The following CREB5 variants were observed in gnomAD, a reference collection of about 807,000 sequenced individuals.
The protein encoded by CREB5 is cAMP responsive element binding protein 5, also known as cyclic AMP-responsive element-binding protein 5.
CREB5 carries 19 observed loss-of-function variants against 57.1 expected under a neutral mutation model. The ratio of observed to expected loss-of-function variants is 0.33; its 90% CI spans 0.23 to 0.49. The LOEUF is 0.49. Ranked by LOEUF, CREB5 falls within the 20% of genes least tolerant of loss-of-function variation. CREB5 has a pLI of 0.99. For synonymous variants in CREB5, 238 were observed against 238.3 expected, an observed-to-expected ratio of 1.00 and a Z score of 0.01; for missense variants, 579 against 671.6, an observed-to-expected ratio of 0.86 and a Z score of 1.52.
chr7:28,410,257 C>A (rs1275748885), upstream of CREB5: 9 of 455,460 alleles, frequency 2.0e-5, no homozygotes, highest in East Asian at 6.3e-4. Flanking sequence ...CCAGTCCACT[C>A]CTCCGGCCGC....
chr7:28,361,116 T>TA (rs200762601), intron 1 of CREB5, among the ~76,000 whole-genome samples: 180 of 151,438 alleles, frequency 1.2e-3, no homozygotes, highest in African/African-American at 4.0e-3. Context: ...AAACCTCAGC[T>TA]AAAAAAAAAC....
intron 4 of CREB5, among the ~76,000 whole-genome samples, chr7:28,567,596 C>A (rs1795532265): frequency 6.6e-6 from 1 of 152,180 alleles, no homozygotes; most frequent in African/African-American, 2.4e-5. Flanking sequence ...TTGTAAACCA[C>A]TGTACTGTAA....
intron 1 of CREB5, among the ~76,000 whole-genome samples, chr7:28,321,627 CAG>C (rs1175047563): frequency 3.3e-5 from 5 of 152,232 alleles, no homozygotes; most frequent in African/African-American, 1.2e-4. Flanking sequence ...GGTGAGGTGA[CAG>C]AGATCACTGG....
At chr7:28,349,644 T>A (rs1554305272) in intron 1 of CREB5, among the ~76,000 whole-genome samples, 2 of 152,146 alleles carry the variant, frequency 1.3e-5, no homozygotes, top group Non-Finnish European at 2.9e-5. Context: ...ATATATAGAC[T>A]TTTAACCTAT....
chr7:28,734,206 CAAAAA>C (rs61403862), intron 7 of CREB5, among the ~76,000 whole-genome samples: 91 of 96,438 alleles, frequency 9.4e-4, no homozygotes, highest in African/African-American at 3.0e-3. Context: ...TTCAGTAGTT[CAAAAA>C]AAAAAAAAAA....
intron 7 of CREB5, chr7:28,779,068 T>A (rs1021612962): frequency 6.6e-6 from 1 of 152,238 alleles, no homozygotes; most frequent in Non-Finnish European, 1.5e-5. Flanking sequence ...GGATGTTATG[T>A]GATTAAAAAT....
chr7:28,770,577 TAACTA>T (rs1230767917), intron 7 of CREB5, among the ~76,000 whole-genome samples: 1 of 152,126 alleles, frequency 6.6e-6, no homozygotes, highest in African/African-American at 2.4e-5. Context: ...ACCAGAAAAA[TAACTA>T]AAGAAAAGGG....
intron 7 of CREB5, among the ~76,000 whole-genome samples, chr7:28,748,601 C>CTTGTG (rs1270701571): frequency 3.3e-5 from 5 of 152,216 alleles, no homozygotes; most frequent in Non-Finnish European, 7.3e-5. Flanking sequence ...GAGGTACCTT[C>CTTGTG]ATCCTTGAGA....
At chr7:28,695,169 G>A (rs1009288371) in intron 5 of CREB5, among the ~76,000 whole-genome samples, 3 of 152,224 alleles carry the variant, frequency 2.0e-5, no homozygotes, top group Non-Finnish European at 4.4e-5. Flanking sequence ...CCAGGCTGCA[G>A]TGAGTCATGA....
At chr7:28,552,569 A>T (rs1036713913) in intron 4 of CREB5, among the ~76,000 whole-genome samples, 2 of 152,082 alleles carry the variant, frequency 1.3e-5, no homozygotes, top group East Asian at 3.9e-4. Context: ...ATAGCAACTC[A>T]TCTGTCTCCT....
intron 4 of CREB5, among the ~76,000 whole-genome samples, chr7:28,561,134 G>C (rs115829854): frequency 1.3e-5 from 2 of 152,244 alleles, no homozygotes; most frequent in African/African-American, 4.8e-5. Context: ...GTAGTAAGGA[G>C]AGTGCTGACT....
chr7:28,486,293 A>G (rs1399688163), intron 1 of CREB5, among the ~76,000 whole-genome samples: 1 of 152,146 alleles, frequency 6.6e-6, no homozygotes, highest in Non-Finnish European at 1.5e-5. Flanking sequence ...ATATTGTCAA[A>G]AACATTAGTG....
At chr7:28,807,953 G>A (rs1808845125) in intron 8 of CREB5, among the ~76,000 whole-genome samples, 1 of 152,132 alleles carries the variant, frequency 6.6e-6, no homozygotes, top group South Asian at 2.1e-4. Context: ...CTATGTGTGG[G>A]GGTCTCCAAG....
intron 1 of CREB5, among the ~76,000 whole-genome samples, chr7:28,366,426 A>G (rs1300822811): frequency 1.3e-5 from 2 of 152,304 alleles, no homozygotes; most frequent in Admixed American, 6.5e-5. Context: ...TAACTTGTGT[A>G]TGTGAGGATA....
At chr7:28,570,254 C>G (rs1421990692) in intron 4 of CREB5, 111 bp from the exon 5 acceptor site, 3 of 1,179,142 alleles carry the variant, frequency 2.5e-6, no homozygotes, top group Non-Finnish European at 3.6e-6. Context: ...GAAGCCATAA[C>G]TCTCTATGTA....
intron 1 of CREB5, among the ~76,000 whole-genome samples, chr7:28,329,469 G>A (rs1785672493): frequency 6.6e-6 from 1 of 152,198 alleles, no homozygotes; most frequent in African/African-American, 2.4e-5. Flanking sequence ...CAGTGCCCAA[G>A]GTTCTTGCAT....
Position 28,819,376 on chromosome 7 carries a change from T to A in CREB5, c.*97T>A, listed in dbSNP as rs187177430. 1.5e-5 allele frequency: 18 copies of A among 1,210,534 alleles called. No homozygotes were observed. The highest frequency in any genetic ancestry group is 2.0e-5 in the Non-Finnish European group (18 of 878,802). 75.0% of individuals were successfully genotyped at this position (1,210,534 alleles called of 1,614,324 possible). ...TAGAATTAACTCAGACCTGGAAGAC[T>A]CCTCAGTTCTTCAAAGACTGGCTTT... On this transcript the variant is annotated 3_prime_UTR_variant, in exon 11 of 11. Transcript: ENST00000357727.
intron 4 of CREB5, among the ~76,000 whole-genome samples, chr7:28,524,012 C>G (rs906493801): frequency 6.6e-6 from 1 of 152,286 alleles, no homozygotes; most frequent in South Asian, 2.1e-4. Context: ...GTGGAAGGAG[C>G]TCTGTGAAGA....
chr7:28,669,546 A>C (rs1233233256), intron 5 of CREB5, among the ~76,000 whole-genome samples: 1 of 152,218 alleles, frequency 6.6e-6, no homozygotes, highest in East Asian at 1.9e-4. Context: ...GGTGGAGGGC[A>C]TACAGGAAGG....
Sources: gnomAD v4.1 joint callset for allele counts (sites outside exome capture counted in the v4.1 genomes callset) on GRCh38, gnomAD v4.1.1 for gene constraint, MANE v1.5 for transcripts, NCBI Gene and HGNC (gene_info 2026-07-23, HGNC 2026-07-21) for gene names.